The following FBN3 variants were observed in gnomAD, a reference collection of about 807,000 sequenced individuals.
FBN3 encodes the protein fibrillin-3.
In FBN3, 234 loss-of-function variants were observed where a neutral mutation model predicts 330.1. That is an observed-to-expected ratio of 0.71 (90% CI 0.64 to 0.79). The LOEUF (loss-of-function observed/expected upper bound fraction) is 0.79, where lower values mean the gene tolerates loss of function less well. Ranked by LOEUF, FBN3 falls within the 30% of genes least tolerant of loss-of-function variation. FBN3 has a pLI of 0.00. For synonymous variants in FBN3, 1,458 were observed against 1,517.3 expected (o/e 0.96, Z 0.91); for missense variants, 3,606 against 3,886.9 (o/e 0.93, Z 1.92).
intron 40 of FBN3, among the ~76,000 whole-genome samples, chr19:8,101,668 C>T (rs563454588): frequency 1.3e-5 from 2 of 152,214 alleles, no homozygotes; most frequent in African/African-American, 4.8e-5. Flanking sequence ...CCCCCTCCCA[C>T]CCTATCCCAG....
At chr19:8,140,612 C>T (rs1026617807) in intron 8 of FBN3, among the ~76,000 whole-genome samples, 3 of 152,164 alleles carry the variant, frequency 2.0e-5, no homozygotes, top group African/African-American at 7.2e-5. Flanking sequence ...CAAATGATAT[C>T]TTACTCAATC....
At chr19:8,097,493 C>T in intron 41 of FBN3, 79 bp from the exon 42 acceptor site, 1 of 1,470,956 alleles carries the variant, frequency 6.8e-7, no homozygotes, top group Non-Finnish European at 9.1e-7. Context: ...ACCCACTAGC[C>T]CTGCAATCTG....
At position 8,129,371 on chromosome 19, in the gene FBN3, G is replaced by T. The variant is rs1404012709; in HGVS notation, c.2045-6C>A. The T allele has an allele frequency of 6.2e-7, 1 of 1,613,622 alleles. No individual in the cohort carries two copies. Among genetic ancestry groups the T allele is most frequent in the African/African-American group, 1.3e-5 (1 of 74,940 alleles). ...CAGAGCACACTCGTTGATGTCTGCGGCAGGAGGAGGGTGTGTCAGCAGCAG... is the reference window on the plus strand; with the variant it reads ...CAGAGCACACTCGTTGATGTCTGCGTCAGGAGGAGGGTGTGTCAGCAGCAG... On this transcript the variant is annotated splice_polypyrimidine_tract_variant and splice_region_variant and intron_variant, in intron 16 of 63. Transcript: ENST00000600128. This position sits in a 1 kb window ranked among gnomAD's most constrained non-coding sequence, Gnocchi z 4.5.
At chr19:8,074,637 G>A (rs1041632433) in intron 61 of FBN3, 24 of 156,772 alleles carry the variant, frequency 1.5e-4, no homozygotes, top group African/African-American at 5.3e-4. Flanking sequence ...GGGAAGGTTG[G>A]GGGGCAGAAG....
At chr19:8,135,936 G>GAGCAC in intron 13 of FBN3, 25 bp downstream of exon 13, 1 of 668,778 alleles carries the variant, frequency 1.5e-6, no homozygotes. Flanking sequence ...GGAAGCCCCT[G>GAGCAC]CCCACCCGCC....
intron 32 of FBN3, 21 bp downstream of exon 32, chr19:8,111,627 C>CA: frequency 2.0e-6 from 3 of 1,532,184 alleles, no homozygotes; most frequent in Non-Finnish European, 2.7e-6. Context: ...GGCCCCTGCC[C>CA]TCCCACCCCT....
chr19:8,065,825 C>G lies in FBN3; in HGVS notation c.*94G>C. On this transcript the variant is annotated 3_prime_UTR_variant, in exon 64 of 64. Transcript: ENST00000600128. ...TTCACTCTTCCTGAGTTTCGGGGTT[C>G]AATCTGGTCAGCCATCGCTTCTGGG... 9.4e-7 allele frequency: 1 copy of G among 1,066,250 alleles called. No homozygotes were observed. Among genetic ancestry groups the G allele is most frequent in the Non-Finnish European group, 1.4e-6 (1 of 736,988 alleles). The allele number at this position is 1,066,250 out of a possible 1,614,324, so 66.0% of individuals were successfully genotyped here.
chr19:8,142,909 CA>C (rs34567980), intron 6 of FBN3, among the ~76,000 whole-genome samples: 135,913 of 147,244 alleles, frequency 0.92, 62,930 homozygotes, highest in Middle Eastern at 0.97. Flanking sequence ...CCGCCTCCAA[CA>C]AGCCCATGTT....
chr19:8,127,061 T>G (rs867632195), intron 18 of FBN3, among the ~76,000 whole-genome samples: 8,198 of 73,582 alleles, frequency 0.11, 673 homozygotes, highest in African/African-American at 0.26. Context: ...TTTTTTTTGT[T>G]TTTTTTTTTT....
chr19:8,116,928 G>T, intron 28 of FBN3, 129 bp from the exon 29 acceptor site: 1 of 1,246,406 alleles, frequency 8.0e-7, no homozygotes, highest in Non-Finnish European at 1.1e-6. Context: ...AGTAGTCTGG[G>T]GGCGCTCAAG....
intron 55 of FBN3, 62 bp from the exon 56 acceptor site, chr19:8,085,631 G>A (rs2081926123): frequency 7.4e-7 from 1 of 1,346,134 alleles, no homozygotes; most frequent in Middle Eastern, 2.0e-4. Flanking sequence ...GGCAAAGACT[G>A]AGCTTGCTTT....
Position 8,102,636 on chromosome 19 carries a change from A to C in FBN3, c.5089+88T>G, listed in dbSNP as rs1226826577. The stretch of plus-strand genomic sequence containing the variant: ...GGCTCTCATCAGAACAAGGAGGATT[A>C]ATCTAAGAACCCTAAGGGCACTGTG... On this transcript the variant is annotated intron_variant, in intron 40 of 63. Coordinates refer to ENST00000600128, the MANE Select transcript of FBN3 (RefSeq NM_032447.5). The C allele has an allele frequency of 6.8e-6, 9 of 1,324,492 alleles. No homozygotes were observed. The East Asian group carries it at 1.6e-4, about 24-fold the overall frequency. The allele number at this position is 1,324,492 out of a possible 1,614,324, so 82.0% of individuals were successfully genotyped here. A position where few individuals can be genotyped will look rare whatever the true frequency, so the allele number is the denominator to read the frequency against.
rs1043990102 is a variant in FBN3 at position 8,120,552 on chromosome 19, G to A, written c.3211+706C>T. Among the ~76,000 whole-genome samples, 4 of 151,778 alleles carry A rather than the reference G, an allele frequency of 2.6e-5. No individual in the cohort carries two copies. The South Asian group carries it at 6.2e-4, about 24-fold the overall frequency. On this transcript the variant is annotated intron_variant, in intron 25 of 63. Transcript: ENST00000600128. ...CACCCAGGCTGGAGTGCAAAAGTGCGATTATGGTTCACTGCAGCCTCAACC... is the reference window on the plus strand; with the variant it reads ...CACCCAGGCTGGAGTGCAAAAGTGCAATTATGGTTCACTGCAGCCTCAACC...
intron 63 of FBN3, among the ~76,000 whole-genome samples, chr19:8,067,927 G>A (rs2081427509): frequency 6.6e-6 from 1 of 151,322 alleles, no homozygotes; most frequent in Non-Finnish European, 1.5e-5. Context: ...AACCAGGTGT[G>A]GTGTTGCACA....
chr19:8,138,007 G>T, intron 10 of FBN3, 134 bp downstream of exon 10: 3 of 998,986 alleles, frequency 3.0e-6, no homozygotes, highest in Non-Finnish European at 4.3e-6. Context: ...CTACTAGCCA[G>T]GCCAGGAGTT....
chr19:8,089,978 G>GGGAGTC lies in FBN3; in HGVS notation c.6185-25_6185-20dup. On this transcript the variant is annotated intron_variant, in intron 49 of 63. Transcript: ENST00000600128. ...AAGGCAGCTGGACGGAGAGGGGGAG[G>GGGAGTC]GGAGTCAGAGTCAGGGCCTAGGTGC... is the stretch of plus-strand genomic sequence containing the variant. The GGGAGTC allele has an allele frequency of 6.2e-7, 1 of 1,607,612 alleles. No individual in the cohort carries two copies. Among genetic ancestry groups the GGGAGTC allele is most frequent in the Admixed American group, 1.7e-5 (1 of 59,604 alleles).
intron 8 of FBN3, among the ~76,000 whole-genome samples, chr19:8,139,680 G>T (rs79290210): frequency 0.04 from 6,125 of 152,020 alleles, 170 homozygotes; most frequent in Admixed American, 0.066. Flanking sequence ...GAGGCAGACA[G>T]GCTCCCCAGG....
Position 8,110,899 on chromosome 19 carries a change from G to A in FBN3, c.4279C>T (p.Arg1427Cys), listed in dbSNP as rs761789801. ...TCGTAGCCACCATTGCAGATGCAGC[G>A]GAACATTCCAGGCAGGTTCTCACAG... is the stretch of plus-strand genomic sequence containing the variant. ...GSCENLPGMF[R>C]CICNGGYELD... The change falls in exon 34 of 64, where the codon CGC becomes TGC. Residue 1427 changes from arginine to cysteine, a missense_variant. Physicochemically the swap from Arg to Cys is radical, Grantham distance 180 (BLOSUM62 -3). Transcript: ENST00000600128. The A allele has an allele frequency of 1.1e-5, 17 of 1,614,224 alleles. No individual in the cohort carries two copies. Among genetic ancestry groups the A allele is most frequent in the South Asian group, 4.4e-5 (4 of 91,088 alleles).
rs2081373993 is a variant in FBN3, at chr19:8,065,688, C to T, written c.*231G>A. On this transcript the variant is annotated 3_prime_UTR_variant, in exon 64 of 64. Coordinates refer to ENST00000600128, the MANE Select transcript of FBN3 (RefSeq NM_032447.5). Reference sequence around the variant, plus strand: ...CTTGGCTGTGGGGGCAGGGGGATTGCACATTGCAGCTTCTTGCTGTCTCCA... The same window carrying T: ...CTTGGCTGTGGGGGCAGGGGGATTGTACATTGCAGCTTCTTGCTGTCTCCA... 5.6e-6 allele frequency: 3 copies of T among 536,074 alleles called. No homozygotes were observed. The highest frequency in any genetic ancestry group is 7.1e-5 in the Admixed American group (2 of 28,288). 33.2% of individuals were successfully genotyped at this position (536,074 alleles called of 1,614,324 possible). A position where few individuals can be genotyped will look rare whatever the true frequency, so the allele number is the denominator to read the frequency against.
Sources: allele counts gnomAD v4.1 joint callset (sites outside exome capture counted in the v4.1 genomes callset), GRCh38; gene constraint gnomAD v4.1.1; non-coding constraint Gnocchi (gnomAD v3.1); transcripts MANE v1.5; gene names NCBI Gene and HGNC (gene_info 2026-07-23, HGNC 2026-07-21).